The following IMPDH1 variants were observed in gnomAD, a reference collection of about 807,000 sequenced individuals.
The protein encoded by IMPDH1 is inosine-5'-monophosphate dehydrogenase 1.
In IMPDH1, 41 loss-of-function variants were observed where a neutral mutation model predicts 73.5. The ratio of observed to expected loss-of-function variants is 0.56; its 90% CI spans 0.43 to 0.72. The LOEUF (loss-of-function observed/expected upper bound fraction) is 0.72, where lower values mean the gene tolerates loss of function less well. Ranked by LOEUF, IMPDH1 falls within the 30% of genes least tolerant of loss-of-function variation. The pLI is 0.00. For synonymous variants in IMPDH1, 318 were observed against 334.3 expected (o/e 0.95, Z 0.53); for missense variants, 645 against 824.8 (o/e 0.78, Z 2.67).
intron 7 of IMPDH1, 75 bp downstream of exon 7, chr7:128,400,742 G>T: frequency 1.5e-6 from 2 of 1,332,782 alleles, no homozygotes; most frequent in Non-Finnish European, 2.2e-6. Context: ...TGCAGGGCTG[G>T]CAGGGGAGGC....
intron 4 of IMPDH1, 33 bp from the exon 5 acceptor site, chr7:128,403,787 G>A: frequency 1.9e-6 from 3 of 1,605,070 alleles, no homozygotes; most frequent in South Asian, 1.1e-5. Context: ...GTTATTAGTG[G>A]GGAGGGGTGC....
Position 128,405,848 on chromosome 7 carries a change from A to G in IMPDH1, c.272T>C (p.Ile91Thr). The G allele has an allele frequency of 6.5e-7, 1 of 1,535,176 alleles. No individual in the cohort carries two copies. The highest frequency in any genetic ancestry group is 8.8e-7 in the Non-Finnish European group (1 of 1,142,740). ...GGGCACGTAGCCGGTGCCGCCGCTG[A>G]TCAGGTAGTCCGCCATGCTGCCGCG... Reference protein sequence around the residue: ...LRRASMADYLISGGTGYVPED... With the variant: ...LRRASMADYLTSGGTGYVPED... The change falls in exon 4 of 17, where the codon ATC (isoleucine) becomes ACC (threonine). Residue 91 changes from isoleucine (I) to threonine (T), a missense_variant. Around this residue, in one of 2 missense-constraint regions of IMPDH1, gnomAD observed 186 missense variants for 186.6 expected, o/e 1.00. Coordinates refer to ENST00000338791, the MANE Select transcript of IMPDH1 (RefSeq NM_000883.4).
In IMPDH1 at chr7:128,393,309, G is replaced by A. The variant is rs990871980; in HGVS notation, c.1779-281C>T. 2.0e-5 allele frequency among the ~76,000 whole-genome samples: 3 copies of A among 152,304 alleles called. No homozygotes were observed. The East Asian group carries it at 5.8e-4, about 29-fold the overall frequency. ...GATGTCCTCAGTGCCCAGGGTGGAG[G>A]GACAGCTCAGGCAGGCATGGCCCAT... On this transcript the variant is annotated intron_variant, in intron 16 of 16. Transcript: ENST00000338791.
Position 128,392,602 on chromosome 7 carries a change from A to C in IMPDH1, c.*405T>G. 9.5e-6 allele frequency: 2 copies of C among 209,648 alleles called. No homozygotes were observed. The highest frequency in any genetic ancestry group is 1.9e-5 in the Non-Finnish European group (2 of 102,858). 13.0% of individuals were successfully genotyped at this position (209,648 alleles called of 1,614,324 possible). A position where few individuals can be genotyped will look rare whatever the true frequency, so the allele number is the denominator to read the frequency against. ...ATGGCTGAGGGGCAGCGGCCCGGGA[A>C]GGGCCAGAGGCAGGGCCAGGAGAGC... On this transcript the variant is annotated 3_prime_UTR_variant, in exon 17 of 17. Coordinates refer to ENST00000338791, the MANE Select transcript of IMPDH1 (RefSeq NM_000883.4).
Position 128,394,092 on chromosome 7 carries a change from G to T in IMPDH1, c.1778+186C>A, listed in dbSNP as rs755012031. On this transcript the variant is annotated intron_variant, in intron 16 of 16. Coordinates refer to ENST00000338791, the MANE Select transcript of IMPDH1 (RefSeq NM_000883.4). This position sits in a 1 kb window ranked among gnomAD's most constrained non-coding sequence, Gnocchi z 5.5. ...GGAGGGGAGGGCCTGCTTGCATGGG[G>T]ACTAAAGGACAAGGAACAGGGGGCT... Among the ~76,000 whole-genome samples the T allele has an allele frequency of 1.3e-4, 20 of 152,174 alleles. No individual in the cohort carries two copies. Among genetic ancestry groups the T allele is most frequent in the Non-Finnish European group, 1.9e-4 (13 of 68,018 alleles).
rs1441664924 is a variant in IMPDH1, at chr7:128,401,000, A to G, written c.504+15T>C. ...CCTGTGTGCCCTGGAGTCCCCATGC[A>G]GGTGTGTAACTCACAGCCATGGCAA... On this transcript the variant is annotated intron_variant, in intron 6 of 16. Coordinates refer to ENST00000338791, the MANE Select transcript of IMPDH1 (RefSeq NM_000883.4). The G allele has an allele frequency of 6.2e-7, 1 of 1,608,792 alleles. No individual in the cohort carries two copies. Among genetic ancestry groups the G allele is most frequent in the Admixed American group, 1.7e-5 (1 of 60,020 alleles).
chr7:128,395,080 C>T, intron 13 of IMPDH1, 47 bp from the exon 14 acceptor site: 1 of 1,613,938 alleles, frequency 6.2e-7, no homozygotes, highest in Non-Finnish European at 8.5e-7. Context: ...AGTGCCACCC[C>T]CCCAGCTTCC....
chr7:128,409,398 G>C, intron 2 of IMPDH1, 43 bp downstream of exon 2: 1 of 1,614,114 alleles, frequency 6.2e-7, no homozygotes, highest in Non-Finnish European at 8.5e-7. Context: ...CAGTCGGACA[G>C]GACTCCAGCA....
In IMPDH1 at chr7:128,395,284, G is replaced by A. The variant is rs753944343; in HGVS notation, c.1262-10C>T. On this transcript the variant is annotated splice_polypyrimidine_tract_variant and intron_variant, in intron 12 of 16. Coordinates refer to ENST00000338791, the MANE Select transcript of IMPDH1 (RefSeq NM_000883.4). ...CGACCACAGGCCATCACTGGGGGAG[G>A]GTGGGGTGCACAAGGCAGAGAAGAG... 2 of 1,612,872 alleles carry A rather than the reference G, an allele frequency of 1.2e-6. No homozygotes were observed. Among genetic ancestry groups the A allele is most frequent in the East Asian group, 4.5e-5 (2 of 44,892 alleles).
At chr7:128,399,252 A>C (rs770188383) in intron 9 of IMPDH1, among the ~76,000 whole-genome samples, 2 of 151,458 alleles carry the variant, frequency 1.3e-5, no homozygotes, top group Non-Finnish European at 2.9e-5. Flanking sequence ...TGTTGTCCCA[A>C]CTACTCGGGA....
intron 9 of IMPDH1, among the ~76,000 whole-genome samples, chr7:128,399,522 C>CAA (rs71700779): frequency 0.016 from 1,952 of 120,664 alleles, 25 homozygotes; most frequent in Non-Finnish European, 0.027. Flanking sequence ...ACTAAAAATA[C>CAA]AAAAAAAAAA....
At chr7:128,402,290 A>C (rs1798394659) in intron 5 of IMPDH1, among the ~76,000 whole-genome samples, 2 of 152,012 alleles carry the variant, frequency 1.3e-5, no homozygotes, top group African/African-American at 4.8e-5. Flanking sequence ...TTTAGTAGAG[A>C]TGGGGTTTCA....
chr7:128,406,104 CG>C, intron 3 of IMPDH1: 1 of 152,268 alleles, frequency 6.6e-6, no homozygotes, highest in East Asian at 2.0e-4. Flanking sequence ...CCGCCCGCGC[CG>C]CACAAAGGGC....
chr7:128,400,046 G>T, intron 9 of IMPDH1, 49 bp downstream of exon 9: 1 of 1,373,660 alleles, frequency 7.3e-7, no homozygotes, highest in African/African-American at 1.4e-5. Flanking sequence ...ACGGGACTGT[G>T]GACAGGGAGT....
chr7:128,396,731 G>A lies in IMPDH1; in HGVS notation c.1166-36C>T. ...GGATGGGGCAGAGGAACAATGTGAG[G>A]ATGGGATGCCCCTGCCTGCCCAACA... On this transcript the variant is annotated intron_variant, in intron 11 of 16. Transcript: ENST00000338791. The surrounding 1 kb of genome is among the most constrained non-coding windows in gnomAD (Gnocchi z 4.0). The A allele has an allele frequency of 1.3e-6, 2 of 1,510,268 alleles. No individual in the cohort carries two copies. Among genetic ancestry groups the A allele is most frequent in the Middle Eastern group, 1.7e-4 (1 of 5,924 alleles). 93.6% of individuals were successfully genotyped at this position (1,510,268 alleles called of 1,614,324 possible).
At chr7:128,395,772 G>A (rs904706768) in intron 12 of IMPDH1, among the ~76,000 whole-genome samples, 3 of 152,248 alleles carry the variant, frequency 2.0e-5, no homozygotes, top group African/African-American at 7.2e-5. Context: ...CAGAGATGGC[G>A]CCTCTCATTT....
chr7:128,400,175 G>A lies in IMPDH1; in HGVS notation c.794C>T (p.Thr265Met), dbSNP rs182196127. The change falls in exon 9 of 17, where the codon ACG (threonine) becomes ATG (methionine). Residue 265 changes from threonine to methionine, a missense_variant. This residue lies in a region of IMPDH1 where 459 missense variants were observed against 638.2 expected (regional missense o/e 0.72). Transcript: ENST00000338791. ...DHTTLLSEVM[T>M]PRIELVVAPA... ...AGCCACCACCAGTTCAATCCTTGGC[G>A]TCATCACCTGTGGGGCCAGGAACAT... is the stretch of plus-strand genomic sequence containing the variant. 20 of 1,614,064 alleles carry A rather than the reference G, an allele frequency of 1.2e-5. No individual in the cohort carries two copies. The highest frequency in any genetic ancestry group is 3.3e-5 in the Admixed American group (2 of 60,022).
In IMPDH1 at chr7:128,398,675, T is replaced by C. The variant is rs972305029; in HGVS notation, c.875-62A>G. 26 of 1,395,276 alleles carry C rather than the reference T, an allele frequency of 1.9e-5. 1 individual carries two copies. In the South Asian group the frequency reaches 2.8e-4, roughly 15 times the overall value. 86.4% of individuals were successfully genotyped at this position (1,395,276 alleles called of 1,614,324 possible). A position where few individuals can be genotyped will look rare whatever the true frequency, so the allele number is the denominator to read the frequency against. ...GGTGGGGAGAAGTTTGGGAGATGTT[T>C]AGGAGGGTGAAGATGAAAGTGGACC... On this transcript the variant is annotated intron_variant, in intron 9 of 16. Coordinates refer to ENST00000338791, the MANE Select transcript of IMPDH1 (RefSeq NM_000883.4). The surrounding 1 kb of genome is among the most constrained non-coding windows in gnomAD (Gnocchi z 4.3).
At chr7:128,401,184 A>G in intron 5 of IMPDH1, 68 bp from the exon 6 acceptor site, 1 of 1,180,964 alleles carries the variant, frequency 8.5e-7, no homozygotes. Flanking sequence ...CTGAGCTCCT[A>G]CATGCACCGG....
Sources: gnomAD v4.1 joint callset for allele counts (sites outside exome capture counted in the v4.1 genomes callset) on GRCh38, gnomAD v4.1.1 for gene constraint, gnomAD v4.1.1 regional missense constraint, Gnocchi (gnomAD v3.1) non-coding constraint, MANE v1.5 for transcripts, NCBI Gene and HGNC (gene_info 2026-07-23, HGNC 2026-07-21) for gene names.